The following CACNA1G variants were observed in gnomAD, a reference collection of about 807,000 sequenced individuals.
CACNA1G encodes the protein voltage-dependent T-type calcium channel subunit alpha-1G.
Under a neutral mutation model 219.4 loss-of-function variants are expected in CACNA1G, and 67 were observed. The ratio of observed to expected loss-of-function variants is 0.31; its 90% CI spans 0.25 to 0.37. CACNA1G has a LOEUF of 0.37. Among genes scored for constraint, CACNA1G ranks in the 10% least tolerant of loss-of-function variants. CACNA1G has a pLI of 1.00. For synonymous variants in CACNA1G, 1,296 were observed against 1,345.3 expected, an observed-to-expected ratio of 0.96 and a Z score of 0.80; for missense variants, 2,380 against 3,231.4, an observed-to-expected ratio of 0.74 and a Z score of 6.39.
chr17:50,619,076 G>C, intron 33 of CACNA1G, 68 bp downstream of exon 33: 1 of 1,274,680 alleles, frequency 7.8e-7, no homozygotes, highest in Non-Finnish European at 1.1e-6. Context: ...GGTGGTGGGC[G>C]GGAGCCAAGC....
At chr17:50,606,656 T>A (rs1362986992) in intron 23 of CACNA1G, among the ~76,000 whole-genome samples, 2 of 152,210 alleles carry the variant, frequency 1.3e-5, no homozygotes, top group Non-Finnish European at 1.5e-5. Flanking sequence ...AGGGTTTTTG[T>A]GTCCCTTCTC....
Position 50,578,514 on chromosome 17 carries a change from A to G in CACNA1G, c.2251A>G (p.Ile751Val). ...DSKYFGRGIM[I>V]AILVNTLSMG... is the part of the protein sequence containing the mutation. ...CAAGTACTTTGGCCGGGGAATCATG[A>G]TCGCCATCCTGGTCAACACACTCAG... Residue 751 changes from isoleucine to valine, a missense_variant, in exon 9 of 38, where the codon ATC becomes GTC. Coordinates refer to ENST00000359106, the MANE Select transcript of CACNA1G (RefSeq NM_018896.5). The surrounding 1 kb of genome is among the most constrained non-coding windows in gnomAD (Gnocchi z 4.5). 1 of 1,580,710 alleles carries G rather than the reference A, an allele frequency of 6.3e-7. No homozygotes were observed. Among genetic ancestry groups the G allele is most frequent in the South Asian group, 1.2e-5 (1 of 86,184 alleles).
Position 50,604,197 on chromosome 17 carries a change from G to C in CACNA1G, c.4212G>C (p.Thr1404=). The C allele has an allele frequency of 6.2e-7, 1 of 1,613,734 alleles. No homozygotes were observed. Among genetic ancestry groups the C allele is most frequent in the Non-Finnish European group, 8.5e-7 (1 of 1,179,710 alleles). Residue 1404 remains threonine, a synonymous_variant, in exon 22 of 38, where the codon ACG becomes ACC. Transcript: ENST00000359106. ...AGGGGCTGAAGCTGGTGGTGGAGAC[G>C]CTGATGTCCTCACTGAAACCCATCG... ...RAQGLKLVVE[T]LMSSLKPIGN...
rs548148007 is a variant in CACNA1G at position 50,625,981 on chromosome 17, A to G, written c.6400-36A>G. 1.1e-5 allele frequency: 17 copies of G among 1,563,460 alleles called. No individual in the cohort carries two copies. In the East Asian group the frequency reaches 3.8e-4, roughly 35 times the overall value. On this transcript the variant is annotated intron_variant, in intron 37 of 37. Coordinates refer to ENST00000359106, the MANE Select transcript of CACNA1G (RefSeq NM_018896.5). ...GGAGGGCTAGTCCATGCTGGAGAGGAGACTGCTGGGCTGAGCCCTCCCCCA... is the reference window on the plus strand; with the variant it reads ...GGAGGGCTAGTCCATGCTGGAGAGGGGACTGCTGGGCTGAGCCCTCCCCCA...
chr17:50,591,400 G>A (rs1212257946), intron 10 of CACNA1G, 35 bp from the exon 11 acceptor site: 5 of 1,499,090 alleles, frequency 3.3e-6, no homozygotes, highest in African/African-American at 1.4e-5. Context: ...GAGGGTGAAG[G>A]TGCAGGGGGC....
intron 22 of CACNA1G, among the ~76,000 whole-genome samples, chr17:50,605,097 C>A (rs2047676835): frequency 1.3e-5 from 2 of 152,190 alleles, no homozygotes; most frequent in African/African-American, 4.8e-5. Flanking sequence ...ACACCCTCCC[C>A]ACTCCCACCC....
chr17:50,588,879 G>A (rs1040737309), intron 9 of CACNA1G, among the ~76,000 whole-genome samples: 2 of 152,290 alleles, frequency 1.3e-5, no homozygotes, highest in East Asian at 1.9e-4. Context: ...CCCTTGTTCC[G>A]AGTCTTTTCA....
chr17:50,622,654 A>G (rs1171180872), intron 35 of CACNA1G, among the ~76,000 whole-genome samples: 1 of 152,168 alleles, frequency 6.6e-6, no homozygotes, highest in African/African-American at 2.4e-5. Flanking sequence ...CCTCCCTGGG[A>G]ACAAGGGGTG....
Position 50,569,737 on chromosome 17 carries a change from G to A in CACNA1G, c.520G>A (p.Val174Ile), listed in dbSNP as rs1474133086. ...MLEYSLDLQN[V>I]SFSAVRTVRV... ...GGAGTACTCGCTGGACCTGCAGAAC[G>A]TCAGCTTCTCAGCTGTCAGGACAGT... The change falls in exon 4 of 38, where the codon GTC becomes ATC. Residue 174 changes from valine to isoleucine, a missense_variant. By Grantham distance (29) the Val-to-Ile change is conservative. This residue lies in a region of CACNA1G where 56 missense variants were observed against 135.8 expected (regional missense o/e 0.41). Coordinates refer to ENST00000359106, the MANE Select transcript of CACNA1G (RefSeq NM_018896.5). The A allele has an allele frequency of 7.7e-6, 12 of 1,550,656 alleles. No homozygotes were observed. The highest frequency in any genetic ancestry group is 2.4e-5 in the South Asian group (2 of 84,068).
chr17:50,567,187 G>A (rs2038126419), intron 1 of CACNA1G, among the ~76,000 whole-genome samples: 1 of 152,218 alleles, frequency 6.6e-6, no homozygotes, highest in Non-Finnish European at 1.5e-5. Flanking sequence ...TGGAAACAGA[G>A]CACTTTTTAT....
At chr17:50,581,695 G>T (rs1448159634) in intron 9 of CACNA1G, among the ~76,000 whole-genome samples, 2 of 152,234 alleles carry the variant, frequency 1.3e-5, no homozygotes, top group Admixed American at 1.3e-4. Context: ...GATTGGGTTT[G>T]CCCAGAGGGC....
rs1228699859 is a variant in CACNA1G, at chr17:50,560,842, GC to G, written c.-616del. Among the ~76,000 whole-genome samples the G allele has an allele frequency of 6.6e-5, 10 of 151,878 alleles. No individual in the cohort carries two copies. The East Asian group carries it at 1.4e-3, about 21-fold the overall frequency. On this transcript the variant is annotated 5_prime_UTR_variant, in exon 1 of 38. Coordinates refer to ENST00000359106, the MANE Select transcript of CACNA1G (RefSeq NM_018896.5). ...CGGCGGCTGCGGCGGCGGCATCTCC[GC>G]CTCCACTCCCGCCCGGGACTGCCCC...
At position 50,603,226 on chromosome 17, in the gene CACNA1G, C is replaced by T. The variant is rs567327468; in HGVS notation, c.4169+27C>T. The T allele has an allele frequency of 1.3e-6, 2 of 1,588,878 alleles. No homozygotes were observed. The highest frequency in any genetic ancestry group is 3.4e-5 in the Admixed American group (2 of 59,346). On this transcript the variant is annotated intron_variant, in intron 21 of 37. Coordinates refer to ENST00000359106, the MANE Select transcript of CACNA1G (RefSeq NM_018896.5). The surrounding 1 kb of genome is among the most constrained non-coding windows in gnomAD (Gnocchi z 6.4). ...TGACTCCCTCCCCAGCACTGGAACACCTCCAAGAGGTGGCCCCCTCCGCAG... is the reference window on the plus strand; with the variant it reads ...TGACTCCCTCCCCAGCACTGGAACATCTCCAAGAGGTGGCCCCCTCCGCAG...
Position 50,596,752 on chromosome 17 carries a change from G to A in CACNA1G, c.3087G>A (p.Pro1029=), listed in dbSNP as rs746507592. 5.6e-6 allele frequency: 9 copies of A among 1,613,324 alleles called. No homozygotes were observed. The highest frequency in any genetic ancestry group is 6.8e-6 in the Non-Finnish European group (8 of 1,179,806). The stretch of plus-strand genomic sequence containing the variant: ...CAGTGGTGTCCCTGGGAGAGCACCC[G>A]GAGCTGCGGAAGAGCCTGCTGCCGC... ...CLALVSLGEH[P]ELRKSLLPPL... The change falls in exon 16 of 38, where the codon CCG becomes CCA. Residue 1029 remains proline (P), a synonymous_variant. Transcript: ENST00000359106. The surrounding 1 kb of genome is among the most constrained non-coding windows in gnomAD (Gnocchi z 4.8).
chr17:50,619,898 G>C, intron 34 of CACNA1G, 72 bp downstream of exon 34: 1 of 1,431,118 alleles, frequency 7.0e-7, no homozygotes, highest in East Asian at 2.4e-5. Context: ...CATGCTTCTG[G>C]GGAAGCTGGG....
In CACNA1G at chr17:50,617,660, G is replaced by A; in HGVS notation, c.5155+89G>A. On this transcript the variant is annotated intron_variant, in intron 29 of 37. Coordinates refer to ENST00000359106, the MANE Select transcript of CACNA1G (RefSeq NM_018896.5). This position sits in a 1 kb window ranked among gnomAD's most constrained non-coding sequence, Gnocchi z 5.8. ...TCGGCTTTGTGGCTGGTCAAGGCCT[G>A]GGCGGCTGTGGGTTCCCATGGGTCT... 6.6e-7 allele frequency: 1 copy of A among 1,511,408 alleles called. No homozygotes were observed. The highest frequency in any genetic ancestry group is 2.0e-5 in the Admixed American group (1 of 51,130). 93.6% of individuals were successfully genotyped at this position (1,511,408 alleles called of 1,614,324 possible).
rs762566524 is a variant in CACNA1G, at chr17:50,572,973, G to A, written c.1048-48G>A. On this transcript the variant is annotated intron_variant, in intron 6 of 37. Coordinates refer to ENST00000359106, the MANE Select transcript of CACNA1G (RefSeq NM_018896.5). ...GTCAAGGCCTCTGGAGGAGACTGAA[G>A]GAGGATTTGGTGGGCCCATAGTCAG... 4 of 1,562,318 alleles carry A rather than the reference G, an allele frequency of 2.6e-6. No homozygotes were observed. The Admixed American group carries it at 7.3e-5, about 28-fold the overall frequency.
chr17:50,606,069 G>A (rs1437996553), intron 23 of CACNA1G, 46 bp downstream of exon 23: 1 of 1,613,298 alleles, frequency 6.2e-7, no homozygotes, highest in African/African-American at 1.3e-5. Context: ...GGAGGCTGGA[G>A]GGGGCACAGG....
Position 50,600,847 on chromosome 17 carries a change from C to T in CACNA1G, c.3791+21C>T. 1 of 1,604,112 alleles carries T rather than the reference C, an allele frequency of 6.2e-7. No homozygotes were observed. ...TCCAGGTAAGTGACAGGGCAGGGGTCTGACCTGTGTCCCGACCTCTTCTTC... is the reference window on the plus strand; with the variant it reads ...TCCAGGTAAGTGACAGGGCAGGGGTTTGACCTGTGTCCCGACCTCTTCTTC... On this transcript the variant is annotated intron_variant, in intron 18 of 37. Transcript: ENST00000359106. This position sits in a 1 kb window ranked among gnomAD's most constrained non-coding sequence, Gnocchi z 4.1.
Sources: gnomAD v4.1 joint callset for allele counts (sites outside exome capture counted in the v4.1 genomes callset) on GRCh38, gnomAD v4.1.1 for gene constraint, gnomAD v4.1.1 regional missense constraint, Gnocchi (gnomAD v3.1) non-coding constraint, MANE v1.5 for transcripts, NCBI Gene and HGNC (gene_info 2026-07-23, HGNC 2026-07-21) for gene names.